The following IL1RAPL1 variants were observed in gnomAD, a reference collection of about 807,000 sequenced individuals.
IL1RAPL1 encodes interleukin 1 receptor accessory protein like 1.
A neutral mutation model predicts 48.4 loss-of-function variants in IL1RAPL1; 3 were observed. The ratio of observed to expected loss-of-function variants is 0.06; its 90% CI spans 0.03 to 0.16. The LOEUF (loss-of-function observed/expected upper bound fraction) is 0.16, where lower values mean the gene tolerates loss of function less well. IL1RAPL1 is among the 10% of genes least tolerant of loss of function. The pLI is 1.00. For missense variants in IL1RAPL1, 349 were observed against 530.6 expected, an observed-to-expected ratio of 0.66 and a Z score of 3.36; for synonymous variants, 185 against 187.7, an observed-to-expected ratio of 0.99 and a Z score of 0.12.
At chrX:29,354,064 G>C (rs1331130451) in intron 3 of IL1RAPL1, among the ~76,000 whole-genome samples, 3 of 110,083 alleles carry the variant, frequency 2.7e-5, no homozygotes, top group African/African-American at 9.9e-5. Flanking sequence ...TATTTATTTT[G>C]ATGTGCGTTT....
At chrX:29,093,596 G>T (rs1327409398) in intron 2 of IL1RAPL1, among the ~76,000 whole-genome samples, 1 of 111,624 alleles carries the variant, frequency 9.0e-6, no homozygotes, top group Non-Finnish European at 1.9e-5. Flanking sequence ...GGATAAAGTA[G>T]AAGAACACGT....
chrX:29,036,069 T>C, intron 2 of IL1RAPL1, among the ~76,000 whole-genome samples: 1 of 111,964 alleles, frequency 8.9e-6, no homozygotes, highest in Non-Finnish European at 1.9e-5. Flanking sequence ...GCATTAACTC[T>C]CTTATTAGCT....
intron 2 of IL1RAPL1, among the ~76,000 whole-genome samples, chrX:28,953,284 A>C (rs1056831404): frequency 9.0e-6 from 1 of 111,462 alleles, no homozygotes; most frequent in African/African-American, 3.2e-5. Context: ...CTAATCAGAT[A>C]CCCAATCATA....
chrX:28,597,361 A>G (rs1431777785), intron 1 of IL1RAPL1, among the ~76,000 whole-genome samples: 1 of 111,589 alleles, frequency 9.0e-6, no homozygotes, highest in African/African-American at 3.3e-5. Flanking sequence ...CGCTTATTCC[A>G]ATTTTCTCAT....
intron 3 of IL1RAPL1, among the ~76,000 whole-genome samples, chrX:29,356,220 A>G (rs5926957): frequency 0.36 from 39,773 of 110,027 alleles, 6,232 homozygotes; most frequent in Middle Eastern, 0.57. Context: ...TCTTCATTAT[A>G]TGTGCATATA....
chrX:28,947,999 A>G (rs1296650063), intron 2 of IL1RAPL1, among the ~76,000 whole-genome samples: 2 of 110,965 alleles, frequency 1.8e-5, no homozygotes, highest in Non-Finnish European at 3.8e-5. Flanking sequence ...TTCTTCCAAC[A>G]CTCTGCTTAT....
At chrX:29,665,332 TA>T (rs1174964324) in intron 5 of IL1RAPL1, among the ~76,000 whole-genome samples, 1 of 112,721 alleles carries the variant, frequency 8.9e-6, no homozygotes, top group Non-Finnish European at 1.9e-5. Flanking sequence ...GGTCTAATGC[TA>T]AGAACGTTTC....
intron 6 of IL1RAPL1, among the ~76,000 whole-genome samples, chrX:29,884,046 C>T (rs779086094): frequency 2.7e-5 from 3 of 111,346 alleles, no homozygotes; most frequent in African/African-American, 9.8e-5. Flanking sequence ...TATTATTAGC[C>T]ACTCACCTAA....
chrX:29,427,503 G>C (rs938831731), intron 5 of IL1RAPL1, among the ~76,000 whole-genome samples: 7 of 111,390 alleles, frequency 6.3e-5, no homozygotes, highest in African/African-American at 2.0e-4. Flanking sequence ...TGATGGACAG[G>C]GAGCTAGGGA....
rs1001634684 is a variant in IL1RAPL1 at position 29,756,414 on chromosome X, C to T, written c.778+87910C>T. 2.7e-5 allele frequency among the ~76,000 whole-genome samples: 3 copies of T among 110,894 alleles called. No individual in the cohort carries two copies. In the Admixed American group the frequency reaches 2.9e-4, roughly 11 times the overall value. The stretch of plus-strand genomic sequence containing the variant: ...AATTATTCTAAATAAGCATATATCA[C>T]CTTTCTCTTTTTTTTGAGACGGAGT... On this transcript the variant is annotated intron_variant, in intron 6 of 10. Transcript: ENST00000378993.
intron 6 of IL1RAPL1, among the ~76,000 whole-genome samples, chrX:29,760,707 T>G (rs1928732865): frequency 9.0e-6 from 1 of 111,445 alleles, no homozygotes. Context: ...CCTAGGTAAG[T>G]GAGAATTAGG....
chrX:28,890,943 T>C (rs1922755498), intron 2 of IL1RAPL1, among the ~76,000 whole-genome samples: 1 of 112,592 alleles, frequency 8.9e-6, no homozygotes, highest in Admixed American at 9.4e-5. Context: ...ACAGAATCAC[T>C]GCTCTGCAAA....
intron 1 of IL1RAPL1, among the ~76,000 whole-genome samples, chrX:28,693,535 A>G (rs1404948586): frequency 8.9e-6 from 1 of 112,634 alleles, no homozygotes; most frequent in Non-Finnish European, 1.9e-5. Flanking sequence ...CTTGTGTCAT[A>G]AAATGACTAT....
chrX:29,479,465 A>G (rs1280199599), intron 5 of IL1RAPL1, among the ~76,000 whole-genome samples: 1 of 106,623 alleles, frequency 9.4e-6, no homozygotes, highest in Non-Finnish European at 1.9e-5. Flanking sequence ...TGTATAGGAA[A>G]GTAAATTTTC....
intron 2 of IL1RAPL1, among the ~76,000 whole-genome samples, chrX:28,887,131 A>C (rs752165701): frequency 2.7e-5 from 3 of 111,119 alleles, no homozygotes; most frequent in Non-Finnish European, 5.7e-5. Flanking sequence ...ATGTGGTTGT[A>C]TTGAGAGGTG....
At chrX:29,114,457 A>G (rs1928636340) in intron 2 of IL1RAPL1, among the ~76,000 whole-genome samples, 1 of 111,659 alleles carries the variant, frequency 9.0e-6, no homozygotes, top group African/African-American at 3.3e-5. Flanking sequence ...TCTTCCCTTT[A>G]TTGATGTCTT....
chrX:28,759,614 G>A (rs765742232), intron 1 of IL1RAPL1, among the ~76,000 whole-genome samples: 4 of 111,486 alleles, frequency 3.6e-5, no homozygotes, highest in Admixed American at 9.6e-5. Flanking sequence ...GCCTTTTTTC[G>A]TACCAACTGT....
chrX:28,897,387 G>A (rs1569195450), intron 2 of IL1RAPL1, among the ~76,000 whole-genome samples: 1 of 111,955 alleles, frequency 8.9e-6, no homozygotes, highest in East Asian at 2.8e-4. Context: ...CCCGTGACCA[G>A]CACGGGAGTT....
intron 5 of IL1RAPL1, among the ~76,000 whole-genome samples, chrX:29,637,299 T>C (rs758215622): frequency 1.6e-4 from 17 of 106,345 alleles, no homozygotes; most frequent in South Asian, 8.0e-4. Flanking sequence ...TATATATATA[T>C]ACACATCAAA....
Sources: allele counts gnomAD v4.1 joint callset (sites outside exome capture counted in the v4.1 genomes callset), GRCh38; gene constraint gnomAD v4.1.1; transcripts MANE v1.5; gene names NCBI Gene and HGNC (gene_info 2026-07-23, HGNC 2026-07-21).